The following IMMP1L variants were observed in gnomAD, a reference collection of about 807,000 sequenced individuals.
IMMP1L encodes the protein inner mitochondrial membrane peptidase subunit 1, also known as mitochondrial inner membrane protease subunit 1.
A neutral mutation model predicts 21.8 loss-of-function variants in IMMP1L; 24 were observed. The observed-to-expected ratio is 1.10, with a 90% CI of 0.80 to 1.55. The LOEUF is 1.55. Ranked by LOEUF, IMMP1L falls within the 40% of genes most tolerant of loss-of-function variation. IMMP1L has a pLI of 0.00. For synonymous variants in IMMP1L, 46 were observed against 62.8 expected (o/e 0.73, Z 1.26); for missense variants, 195 against 200.7 (o/e 0.97, Z 0.17).
chr11:31,479,740 A>G (rs1053384861), intron 1 of IMMP1L, among the ~76,000 whole-genome samples: 1 of 152,038 alleles, frequency 6.6e-6, no homozygotes, highest in African/African-American at 2.4e-5. Context: ...TGTGATTCAT[A>G]TTATGTTTCT....
chr11:31,483,109 G>A (rs983841016), intron 1 of IMMP1L, among the ~76,000 whole-genome samples: 2 of 151,926 alleles, frequency 1.3e-5, no homozygotes, highest in East Asian at 3.9e-4. Context: ...CAAGAAAAAT[G>A]AATCTGCTAT....
chr11:31,474,065 G>C (rs976080853), intron 1 of IMMP1L, among the ~76,000 whole-genome samples: 1 of 152,106 alleles, frequency 6.6e-6, no homozygotes, highest in Non-Finnish European at 1.5e-5. Context: ...AGATAGGGAA[G>C]GAGAAAACAA....
At chr11:31,496,856 A>T (rs1447199153) in intron 1 of IMMP1L, among the ~76,000 whole-genome samples, 1 of 148,058 alleles carries the variant, frequency 6.8e-6, no homozygotes, top group Non-Finnish European at 1.5e-5. Flanking sequence ...ATCTAAGAGT[A>T]TATTATATAA....
intron 1 of IMMP1L, among the ~76,000 whole-genome samples, chr11:31,476,506 GATT>G (rs1954734005): frequency 6.6e-6 from 1 of 151,850 alleles, no homozygotes; most frequent in Non-Finnish European, 1.5e-5. Flanking sequence ...GTATAAAATT[GATT>G]ATATTTTAAT....
chr11:31,470,182 G>T (rs1233878253), intron 1 of IMMP1L, among the ~76,000 whole-genome samples: 1 of 152,170 alleles, frequency 6.6e-6, no homozygotes, highest in Non-Finnish European at 1.5e-5. Context: ...GGGAGGCCAA[G>T]GTGGGCAGAT....
At chr11:31,449,678 C>A (rs1176441323) in intron 4 of IMMP1L, among the ~76,000 whole-genome samples, 1 of 152,026 alleles carries the variant, frequency 6.6e-6, no homozygotes, top group South Asian at 2.1e-4. Flanking sequence ...CAAAGAAAAA[C>A]ATAAGAAATA....
chr11:31,482,298 G>T (rs1404534284), intron 1 of IMMP1L, among the ~76,000 whole-genome samples: 1 of 151,994 alleles, frequency 6.6e-6, no homozygotes, highest in Non-Finnish European at 1.5e-5. Flanking sequence ...AAACATTCTT[G>T]AAGTAGATAA....
chr11:31,466,276 G>A (rs1055783791), intron 1 of IMMP1L, among the ~76,000 whole-genome samples: 1 of 152,044 alleles, frequency 6.6e-6, no homozygotes, highest in African/African-American at 2.4e-5. Flanking sequence ...CAAGGATGTG[G>A]AGAAAAGAAA....
At chr11:31,482,962 G>A (rs1954950195) in intron 1 of IMMP1L, among the ~76,000 whole-genome samples, 1 of 151,888 alleles carries the variant, frequency 6.6e-6, no homozygotes, top group Non-Finnish European at 1.5e-5. Flanking sequence ...ATAAATAATA[G>A]TTATATATTC....
At chr11:31,496,126 A>AC (rs61362167) in intron 1 of IMMP1L, among the ~76,000 whole-genome samples, 48,657 of 151,012 alleles carry the variant, frequency 0.32, 11,902 homozygotes, top group African/African-American at 0.68. Flanking sequence ...CAAAAAAAAA[A>AC]AAAACAAAGC....
At chr11:31,465,817 A>G (rs1954319668) in intron 1 of IMMP1L, among the ~76,000 whole-genome samples, 1 of 152,056 alleles carries the variant, frequency 6.6e-6, no homozygotes. Flanking sequence ...AGACTTATAA[A>G]TAAGATCAAA....
chr11:31,455,110 C>G (rs558725476), intron 4 of IMMP1L, among the ~76,000 whole-genome samples: 1 of 152,268 alleles, frequency 6.6e-6, no homozygotes, highest in South Asian at 2.1e-4. Context: ...ACTTGTACAG[C>G]TGAACCACAG....
intron 1 of IMMP1L, among the ~76,000 whole-genome samples, chr11:31,470,605 C>T (rs1470825080): frequency 6.6e-6 from 1 of 152,058 alleles, no homozygotes; most frequent in Non-Finnish European, 1.5e-5. Flanking sequence ...ACCATATGAT[C>T]CAGCAATTCC....
intron 1 of IMMP1L, among the ~76,000 whole-genome samples, chr11:31,487,286 G>C (rs886349789): frequency 9.2e-5 from 14 of 151,948 alleles, no homozygotes; most frequent in African/African-American, 3.1e-4. Flanking sequence ...AATAATATAA[G>C]ATCAGTTATC....
chr11:31,506,203 T>C (rs1011992415), intron 1 of IMMP1L, among the ~76,000 whole-genome samples: 2 of 151,820 alleles, frequency 1.3e-5, no homozygotes, highest in Non-Finnish European at 2.9e-5. Flanking sequence ...AAGAATTAAT[T>C]AAGAACGCAC....
chr11:31,454,778 C>T (rs540821672), intron 4 of IMMP1L, among the ~76,000 whole-genome samples: 7 of 152,268 alleles, frequency 4.6e-5, no homozygotes, highest in African/African-American at 1.7e-4. Flanking sequence ...CCTCTAATAA[C>T]TCTTAAAAAG....
intron 1 of IMMP1L, among the ~76,000 whole-genome samples, chr11:31,507,998 C>G (rs1204059376): frequency 1.3e-5 from 2 of 151,950 alleles, no homozygotes; most frequent in Middle Eastern, 3.4e-3. Context: ...TTCACAGCAT[C>G]AAAAATATTT....
Position 31,432,568 on chromosome 11 carries a change from T to A in IMMP1L, c.433A>T (p.Ile145Phe). The A allele has an allele frequency of 6.2e-7, 1 of 1,608,136 alleles. No individual in the cohort carries two copies. The highest frequency in any genetic ancestry group is 8.5e-7 in the Non-Finnish European group (1 of 1,174,720). ...GLIRGRIFFK[I>F]WPLSDFGFLR... ...AATCCAAAATCACTCAGAGGCCAAA[T>A]CTGTAAAATCAAAATGAGGTTGAAG... Residue 145 changes from isoleucine (I) to phenylalanine (F), a missense_variant and splice_region_variant, in exon 6 of 6, where the codon ATT becomes TTT. Physicochemically the swap from Ile to Phe is conservative, Grantham distance 21. Transcript: ENST00000532287.
intron 1 of IMMP1L, among the ~76,000 whole-genome samples, chr11:31,487,273 T>C (rs117146434): frequency 0.021 from 3,230 of 152,148 alleles, 67 homozygotes; most frequent in Non-Finnish European, 0.028. Context: ...ATTTCAGCCT[T>C]TAAATAATAT....
Sources: allele counts gnomAD v4.1 joint callset (sites outside exome capture counted in the v4.1 genomes callset), GRCh38; gene constraint gnomAD v4.1.1; transcripts MANE v1.5; gene names NCBI Gene and HGNC (gene_info 2026-07-23, HGNC 2026-07-21).